The following PCDHGB3 variants were observed in gnomAD, a reference collection of about 807,000 sequenced individuals.
PCDHGB3 encodes the protein protocadherin gamma-B3.
PCDHGB3 carries 40 observed loss-of-function variants against 59.2 expected under a neutral mutation model. That is an observed-to-expected ratio of 0.68 (90% confidence interval 0.52 to 0.88). The LOEUF (loss-of-function observed/expected upper bound fraction) is 0.88, where lower values mean the gene tolerates loss of function less well. PCDHGB3 is among the 40% of genes least tolerant of loss of function. PCDHGB3 has a pLI of 0.00. For missense variants in PCDHGB3, 1,309 were observed against 1,187.9 expected (o/e 1.10, Z -1.50); for synonymous variants, 581 against 503.6 (o/e 1.15, Z -2.06).
intron 1 of PCDHGB3, chr5:141,374,945 A>C (rs779694385): frequency 6.2e-7 from 1 of 1,614,034 alleles, no homozygotes; most frequent in Admixed American, 1.7e-5. Context: ...TACAGAAAAG[A>C]TCTCACAAAT....
rs3805699 is a variant in PCDHGB3 at position 141,435,743 on chromosome 5, G to A, written c.2416-59064G>A. Among the ~76,000 whole-genome samples the A allele has an allele frequency of 9.2e-5, 14 of 152,198 alleles. No homozygotes were observed. The East Asian group carries it at 2.1e-3, about 23-fold the overall frequency. ...GCTAAAGTGTATTACTCTTTGAAAA[G>A]CATTGCTTGATTTCTTTTGGTGAAT... is the stretch of plus-strand genomic sequence containing the variant. On this transcript the variant is annotated intron_variant, in intron 1 of 3. Coordinates refer to ENST00000576222, the MANE Select transcript of PCDHGB3 (RefSeq NM_018924.5).
At chr5:141,419,052 C>A (rs1017300472) in intron 1 of PCDHGB3, 6 of 1,613,948 alleles carry the variant, frequency 3.7e-6, no homozygotes, top group East Asian at 2.2e-5. Context: ...CATTCTTCTT[C>A]TAATAATTAC....
At position 141,393,312 on chromosome 5, in the gene PCDHGB3, C is replaced by T. The variant is rs1308410982; in HGVS notation, c.2415+20503C>T. 8 of 1,613,494 alleles carry T rather than the reference C, an allele frequency of 5.0e-6. No homozygotes were observed. The East Asian group carries it at 8.9e-5, about 18-fold the overall frequency. On this transcript the variant is annotated intron_variant, in intron 1 of 3. Coordinates refer to ENST00000576222, the MANE Select transcript of PCDHGB3 (RefSeq NM_018924.5). ...TGACCCGGATGTGGGCGTGAACTCC[C>T]TCCAGAGCTACCAGCTCAGCCCCAA... is the stretch of plus-strand genomic sequence containing the variant.
chr5:141,428,077 A>G (rs2097107152), intron 1 of PCDHGB3: 4 of 1,609,206 alleles, frequency 2.5e-6, no homozygotes, highest in South Asian at 1.1e-5. Flanking sequence ...GATTCGGGAC[A>G]CAACGCTTGG....
At chr5:141,403,738 T>G in intron 1 of PCDHGB3, 3 of 1,613,930 alleles carry the variant, frequency 1.9e-6, no homozygotes, top group Admixed American at 3.3e-5. Context: ...CCTGGCTGCT[T>G]ACTGCAACAG....
At chr5:141,419,475 C>G (rs775720158) in intron 1 of PCDHGB3, 2 of 1,612,266 alleles carry the variant, frequency 1.2e-6, no homozygotes, top group Admixed American at 1.7e-5. Context: ...GACCAGGGCT[C>G]GCCCGCGCTC....
At chr5:141,439,009 G>T (rs1474312524) in intron 1 of PCDHGB3, among the ~76,000 whole-genome samples, 1 of 151,594 alleles carries the variant, frequency 6.6e-6, no homozygotes, top group Non-Finnish European at 1.5e-5. Flanking sequence ...TGGTTTGTTT[G>T]TCAAATTTTG....
rs1468210173 is a variant in PCDHGB3 at position 141,512,170 on chromosome 5, A to T, written c.*997A>T. 1 of 152,720 alleles carries T rather than the reference A, an allele frequency of 6.5e-6. No homozygotes were observed. The highest frequency in any genetic ancestry group is 1.5e-5 in the Non-Finnish European group (1 of 68,120). The allele number at this position is 152,720 out of a possible 1,614,324, so 9.5% of individuals were successfully genotyped here. On this transcript the variant is annotated 3_prime_UTR_variant, in exon 4 of 4. Coordinates refer to ENST00000576222, the MANE Select transcript of PCDHGB3 (RefSeq NM_018924.5). ...TGGGCTGAGCTAACAGGACCAATGG[A>T]TTAAACTGGCATTTCAGTCCAAGGA...
Position 141,389,558 on chromosome 5 carries a change from A to G in PCDHGB3, c.2415+16749A>G, listed in dbSNP as rs778077135. 14 of 1,613,148 alleles carry G rather than the reference A, an allele frequency of 8.7e-6. No individual in the cohort carries two copies. The East Asian group carries it at 8.9e-5, about 10-fold the overall frequency. ...TGGACGACCGCAACGACAATGCGCC[A>G]CGGGTGCTGTACCCCGCGCTGGGTC... On this transcript the variant is annotated intron_variant, in intron 1 of 3. Transcript: ENST00000576222.
At chr5:141,377,699 G>A (rs895371425) in intron 1 of PCDHGB3, 1 of 151,992 alleles carries the variant, frequency 6.6e-6, no homozygotes, top group Non-Finnish European at 1.5e-5. Context: ...TTACTACTTA[G>A]GAATCAAAAA....
rs773499765 is a variant in PCDHGB3 at position 141,489,626 on chromosome 5, A to T, written c.2416-5181A>T. 6.2e-6 allele frequency: 10 copies of T among 1,613,568 alleles called. No individual in the cohort carries two copies. In the South Asian group the frequency reaches 9.9e-5, roughly 16 times the overall value. On this transcript the variant is annotated intron_variant, in intron 1 of 3. Coordinates refer to ENST00000576222, the MANE Select transcript of PCDHGB3 (RefSeq NM_018924.5). The surrounding 1 kb of genome is among the most constrained non-coding windows in gnomAD (Gnocchi z 4.5). The stretch of plus-strand genomic sequence containing the variant: ...GTAGAGATCCTGGATCTCAATGACA[A>T]CTCTCCTAGCTTTGCCACCCCTGAG...
At chr5:141,502,512 T>C (rs1029375922) in intron 2 of PCDHGB3, among the ~76,000 whole-genome samples, 2 of 152,212 alleles carry the variant, frequency 1.3e-5, no homozygotes, top group East Asian at 1.9e-4. Context: ...CCTGTCCCAC[T>C]ATCAGTGATG....
intron 3 of PCDHGB3, among the ~76,000 whole-genome samples, chr5:141,510,468 A>G (rs1246106107): frequency 2.0e-5 from 3 of 152,152 alleles, no homozygotes; most frequent in Admixed American, 2.0e-4. Flanking sequence ...TGTGGGAGTC[A>G]GAGGCTCCCT....
At chr5:141,415,508 A>G in intron 1 of PCDHGB3, 2 of 1,614,168 alleles carry the variant, frequency 1.2e-6, no homozygotes, top group Non-Finnish European at 1.7e-6. Flanking sequence ...CCCCAGCCCA[A>G]TTATGCGGAC....
At chr5:141,423,084 G>C (rs1427825232) in intron 1 of PCDHGB3, 2 of 1,613,942 alleles carry the variant, frequency 1.2e-6, no homozygotes, top group Non-Finnish European at 1.7e-6. Flanking sequence ...GACTCTTCGC[G>C]GTGGGGGAGC....
intron 2 of PCDHGB3, among the ~76,000 whole-genome samples, chr5:141,500,431 G>A (rs1340129330): frequency 6.6e-6 from 1 of 151,476 alleles, no homozygotes; most frequent in Non-Finnish European, 1.5e-5. Flanking sequence ...GGATGGTCTC[G>A]ATCTCCTGAC....
intron 1 of PCDHGB3, among the ~76,000 whole-genome samples, chr5:141,407,232 A>G (rs2094902362): frequency 6.6e-6 from 1 of 152,242 alleles, no homozygotes; most frequent in African/African-American, 2.4e-5. Flanking sequence ...CAAAAAAAAT[A>G]AAGCATACTT....
chr5:141,399,478 G>A, intron 1 of PCDHGB3: 2 of 1,614,012 alleles, frequency 1.2e-6, no homozygotes, highest in East Asian at 2.2e-5. Flanking sequence ...TTTCCACCAG[G>A]CGTCCTACTT....
chr5:141,375,879 G>A, intron 1 of PCDHGB3: 1 of 1,613,144 alleles, frequency 6.2e-7, no homozygotes, highest in South Asian at 1.1e-5. Flanking sequence ...AGAGACTCGG[G>A]CCAGAACGCC....
Sources: allele counts gnomAD v4.1 joint callset (sites outside exome capture counted in the v4.1 genomes callset), GRCh38; gene constraint gnomAD v4.1.1; non-coding constraint Gnocchi (gnomAD v3.1); transcripts MANE v1.5; gene names NCBI Gene and HGNC (gene_info 2026-07-23, HGNC 2026-07-21).